CASK: variants seen among roughly 807,000 people sequenced by gnomAD.
The protein encoded by CASK is calcium/calmodulin dependent serine protein kinase.
A neutral mutation model predicts 82.9 loss-of-function variants in CASK; 4 were observed. That is an observed-to-expected ratio of 0.05 (90% confidence interval 0.02 to 0.11). The LOEUF is 0.11. Ranked by LOEUF, CASK falls within the 10% of genes least tolerant of loss-of-function variation. The pLI is 1.00. For synonymous variants in CASK, 259 were observed against 253.5 expected (o/e 1.02, Z -0.20); for missense variants, 358 against 720.9 (o/e 0.50, Z 5.76).
chrX:41,625,017 A>C (rs760823480), intron 10 of CASK, among the ~76,000 whole-genome samples: 1 of 110,898 alleles, frequency 9.0e-6, no homozygotes, highest in South Asian at 3.8e-4. Flanking sequence ...GTAAATAAAA[A>C]ATGCATAAAT....
chrX:41,559,860 T>A lies in CASK; in HGVS notation c.1669-13A>T. The A allele has an allele frequency of 8.4e-7, 1 of 1,193,684 alleles. No individual in the cohort carries two copies. On this transcript the variant is annotated splice_polypyrimidine_tract_variant and intron_variant, in intron 17 of 26. Transcript: ENST00000378163. Reference sequence around the variant, plus strand: ...CCCGCATTTCCCTCTGGAGGGGGGGTGGTGGGAAAGAAAGAAAAGTTTTCT... The same window carrying A: ...CCCGCATTTCCCTCTGGAGGGGGGGAGGTGGGAAAGAAAGAAAAGTTTTCT...
intron 17 of CASK, among the ~76,000 whole-genome samples, chrX:41,560,259 A>T (rs1363699437): frequency 9.0e-6 from 1 of 111,195 alleles, no homozygotes; most frequent in Non-Finnish European, 1.9e-5. Context: ...ACTTTTAAAA[A>T]TTTTTTATTT....
In CASK at chrX:41,665,007, A is replaced by AT. The variant is rs1283400434; in HGVS notation, c.708+269dup. On this transcript the variant is annotated intron_variant, in intron 7 of 26. Coordinates refer to ENST00000378163, the MANE Select transcript of CASK (RefSeq NM_001367721.1). The stretch of plus-strand genomic sequence containing the variant: ...ACAAATTAAGCAGAAGGCTTTAAAA[A>AT]TGAAGCCCCTTTCTCAAATTACACA... 5.3e-5 allele frequency among the ~76,000 whole-genome samples: 6 copies of AT among 112,996 alleles called. No homozygotes were observed. The South Asian group carries it at 1.4e-3, about 27-fold the overall frequency.
chrX:41,854,224 G>GCGCACACACACACACACA (rs1367817089), intron 1 of CASK, among the ~76,000 whole-genome samples: 2 of 81,714 alleles, frequency 2.4e-5, no homozygotes, highest in East Asian at 5.8e-4. Context: ...GCGGGCGCGC[G>GCGCACACACACACACACA]CACACACACA....
chrX:41,631,154 T>C (rs1266335271), intron 9 of CASK, among the ~76,000 whole-genome samples: 3 of 112,073 alleles, frequency 2.7e-5, no homozygotes, highest in African/African-American at 9.7e-5. Flanking sequence ...GTACTAGATA[T>C]AGTTATATTT....
At chrX:41,660,101 T>A in intron 8 of CASK, 1 of 288,637 alleles carries the variant, frequency 3.5e-6, no homozygotes. Context: ...ACACCCAAAA[T>A]AAAGATAGTT....
rs540285536 is a variant in CASK at position 41,836,076 on chromosome X, C to T, written c.172+17039G>A. ...ATTAGGAAAAACAGCCAAAGATGTA[C>T]AGTTTGCTAAAACAGTACTCATAAT... On this transcript the variant is annotated intron_variant, in intron 2 of 26. Transcript: ENST00000378163. 3.6e-5 allele frequency among the ~76,000 whole-genome samples: 4 copies of T among 111,661 alleles called. No individual in the cohort carries two copies. The East Asian group carries it at 8.4e-4, about 23-fold the overall frequency.
chrX:41,852,715 G>A (rs190373437), intron 2 of CASK, among the ~76,000 whole-genome samples: 1 of 110,517 alleles, frequency 9.0e-6, no homozygotes, highest in Admixed American at 9.6e-5. Flanking sequence ...CCTAAAGGTA[G>A]TAAGTGATGC....
intron 8 of CASK, among the ~76,000 whole-genome samples, chrX:41,657,600 G>A (rs1457666503): frequency 1.8e-5 from 2 of 110,778 alleles, no homozygotes; most frequent in African/African-American, 3.3e-5. Flanking sequence ...TTGGCTCACT[G>A]CAACCTCTGC....
intron 2 of CASK, among the ~76,000 whole-genome samples, chrX:41,799,498 T>C (rs1454002334): frequency 9.1e-6 from 1 of 109,879 alleles, no homozygotes; most frequent in Admixed American, 9.7e-5. Context: ...TGAGCTGAGA[T>C]CACACCACTG....
At chrX:41,638,790 C>T (rs2066600052) in intron 8 of CASK, among the ~76,000 whole-genome samples, 1 of 111,063 alleles carries the variant, frequency 9.0e-6, no homozygotes, top group Non-Finnish European at 1.9e-5. Flanking sequence ...CCATGCGGGC[C>T]TTTGGCTTTT....
intron 5 of CASK, among the ~76,000 whole-genome samples, chrX:41,717,250 C>T (rs893741870): frequency 8.9e-6 from 1 of 112,370 alleles, no homozygotes; most frequent in Admixed American, 9.4e-5. Context: ...TTGCTCCACC[C>T]GCGAGACGCA....
intron 21 of CASK, among the ~76,000 whole-genome samples, chrX:41,545,621 C>A (rs1307976590): frequency 8.9e-6 from 1 of 111,755 alleles, no homozygotes; most frequent in Non-Finnish European, 1.9e-5. Flanking sequence ...TCTTCAAGAG[C>A]ATTTTGGCTA....
intron 1 of CASK, among the ~76,000 whole-genome samples, chrX:41,855,908 AC>A (rs1403209982): frequency 1.1e-4 from 12 of 112,433 alleles, no homozygotes; most frequent in Non-Finnish European, 1.9e-5. Context: ...ACAAGGTTCT[AC>A]TTGAGGCAGA....
At chrX:41,651,512 T>C (rs2066864382) in intron 8 of CASK, among the ~76,000 whole-genome samples, 1 of 111,849 alleles carries the variant, frequency 8.9e-6, no homozygotes, top group Non-Finnish European at 1.9e-5. Flanking sequence ...CACCTCAGGC[T>C]CCTGAGTCAC....
At chrX:41,830,695 C>A (rs1311977817) in intron 2 of CASK, among the ~76,000 whole-genome samples, 1 of 107,428 alleles carries the variant, frequency 9.3e-6, no homozygotes, top group Non-Finnish European at 1.9e-5. Flanking sequence ...TGGCGGGTGC[C>A]TGTAGTCCCA....
intron 5 of CASK, chrX:41,726,765 T>C: frequency 4.3e-6 from 1 of 231,116 alleles, no homozygotes; most frequent in Admixed American, 6.7e-5. Context: ...TCAAATTTTG[T>C]TTTTCAGACA....
intron 5 of CASK, among the ~76,000 whole-genome samples, chrX:41,692,290 A>C (rs1292965653): frequency 8.9e-6 from 1 of 111,809 alleles, no homozygotes; most frequent in Non-Finnish European, 1.9e-5. Flanking sequence ...CCCATTCCAG[A>C]CCAATTAAAT....
chrX:41,625,872 C>T (rs899570403), intron 10 of CASK, among the ~76,000 whole-genome samples: 4 of 106,624 alleles, frequency 3.8e-5, no homozygotes, highest in African/African-American at 1.4e-4. Flanking sequence ...CTCCGCCTCC[C>T]GGGTCAAGTG....
Sources: gnomAD v4.1 joint callset for allele counts (sites outside exome capture counted in the v4.1 genomes callset) on GRCh38, gnomAD v4.1.1 for gene constraint, MANE v1.5 for transcripts, NCBI Gene and HGNC (gene_info 2026-07-23, HGNC 2026-07-21) for gene names.